The following ACER1 variants were observed in gnomAD, a reference collection of about 807,000 sequenced individuals.
ACER1 encodes alkaline ceramidase 1, also known as CTB-180A7.3.
In ACER1, 28 loss-of-function variants were observed where a neutral mutation model predicts 24.9. The observed-to-expected ratio is 1.13, with a 90% confidence interval of 0.83 to 1.54. The LOEUF is 1.54. Among genes scored for constraint, ACER1 ranks in the 40% most tolerant of loss-of-function variants. The pLI is 0.00. For missense variants in ACER1, 352 were observed against 349.3 expected (o/e 1.01, Z -0.06); for synonymous variants, 132 against 131.4 (o/e 1.00, Z -0.03).
At chr19:6,338,632 G>A in the ACER1 span, among the ~76,000 whole-genome samples, 1 of 151,990 alleles carries the variant, frequency 6.6e-6, no homozygotes, top group Non-Finnish European at 1.5e-5. Flanking sequence ...TCTGCTGCCA[G>A]GCTTGAGTGC....
intron 4 of ACER1, among the ~76,000 whole-genome samples, chr19:6,308,878 A>G (rs1388898866): frequency 6.6e-6 from 1 of 152,028 alleles, no homozygotes; most frequent in African/African-American, 2.4e-5. Context: ...CTCTGCTTGC[A>G]TGTCTGTTTC....
upstream of ACER1, among the ~76,000 whole-genome samples, chr19:6,334,106 A>G (rs1321861726): frequency 6.7e-6 from 1 of 149,882 alleles, no homozygotes; most frequent in Non-Finnish European, 1.5e-5. Flanking sequence ...GTGCAGTGGC[A>G]TGATCTCAGC....
chr19:6,309,562 C>G, intron 4 of ACER1, 135 bp downstream of exon 4: 2 of 1,142,316 alleles, frequency 1.8e-6, no homozygotes, highest in Non-Finnish European at 2.5e-6. Flanking sequence ...TGCAGTCAGT[C>G]AGGTTCAAAT....
At chr19:6,349,492 GGAAGGAAGGAAGGAAA>G in the ACER1 span, among the ~76,000 whole-genome samples, 2 of 140,774 alleles carry the variant, frequency 1.4e-5, no homozygotes, top group Admixed American at 7.0e-5. Flanking sequence ...AGGGAGGGAA[GGAAGGAAGGAAGGAAA>G]GAAGGAAGGA....
At chr19:6,310,413 A>G (rs553196223) in intron 3 of ACER1, among the ~76,000 whole-genome samples, 1 of 152,032 alleles carries the variant, frequency 6.6e-6, no homozygotes, top group Non-Finnish European at 1.5e-5. Flanking sequence ...TCTGCTAAAA[A>G]TACAAAATTT....
chr19:6,328,677 T>A (rs1399668260), intron 1 of ACER1, among the ~76,000 whole-genome samples: 3 of 151,714 alleles, frequency 2.0e-5, no homozygotes, highest in Non-Finnish European at 2.9e-5. Flanking sequence ...TACAAAACAA[T>A]GTTTTTTTAG....
rs191663574 is a variant in ACER1, at chr19:6,323,632, G to C, written c.93+9827C>G. 4.6e-4 allele frequency among the ~76,000 whole-genome samples: 70 copies of C among 152,228 alleles called. No homozygotes were observed. The East Asian group carries it at 0.011, about 24-fold the overall frequency. On this transcript the variant is annotated intron_variant, in intron 1 of 5. Coordinates refer to ENST00000301452, the MANE Select transcript of ACER1 (RefSeq NM_133492.3). ...TTTTTCTTCTTTTGCAAACTGCCCAGACATAAAGGTAAGTCTTTATTAGCA... is the reference window on the plus strand; with the variant it reads ...TTTTTCTTCTTTTGCAAACTGCCCACACATAAAGGTAAGTCTTTATTAGCA...
the ACER1 span, among the ~76,000 whole-genome samples, chr19:6,341,537 AG>A: frequency 6.6e-6 from 1 of 150,696 alleles, no homozygotes; most frequent in Non-Finnish European, 1.5e-5. Flanking sequence ...AAAAAAAAAA[AG>A]AAAAAAAAAG....
intron 1 of ACER1, among the ~76,000 whole-genome samples, chr19:6,329,289 A>C (rs1283142729): frequency 6.6e-6 from 1 of 152,044 alleles, no homozygotes; most frequent in Non-Finnish European, 1.5e-5. Context: ...GTCTTGGGGA[A>C]GCCCTTTCTC....
At chr19:6,353,730 CAGG>C in the ACER1 span, among the ~76,000 whole-genome samples, 38 of 152,034 alleles carry the variant, frequency 2.5e-4, no homozygotes, top group African/African-American at 9.2e-4. Flanking sequence ...GAGGCTGAGG[CAGG>C]AGAATTGCTT....
the ACER1 span, among the ~76,000 whole-genome samples, chr19:6,350,782 A>T: frequency 6.6e-6 from 1 of 152,118 alleles, no homozygotes; most frequent in South Asian, 2.1e-4. Flanking sequence ...CTTTTATAGG[A>T]ACAAAAACAA....
intron 1 of ACER1, among the ~76,000 whole-genome samples, chr19:6,312,801 G>A (rs139777712): frequency 1.6e-3 from 244 of 151,528 alleles, no homozygotes; most frequent in African/African-American, 5.5e-3. Flanking sequence ...TCAGACTCCC[G>A]AGTAGCTGGG....
chr19:6,357,579 C>A, the ACER1 span, among the ~76,000 whole-genome samples: 2 of 151,940 alleles, frequency 1.3e-5, no homozygotes, highest in Admixed American at 6.6e-5. Context: ...CGAGACCAGC[C>A]TGGCCAACAT....
the ACER1 span, among the ~76,000 whole-genome samples, chr19:6,338,749 A>G: frequency 7.6e-4 from 115 of 151,880 alleles, no homozygotes; most frequent in African/African-American, 2.7e-3. Flanking sequence ...AATTTTTTCT[A>G]TTTTTTGTAG....
At chr19:6,340,356 GA>G in the ACER1 span, among the ~76,000 whole-genome samples, 1 of 58,872 alleles carries the variant, frequency 1.7e-5, no homozygotes, top group African/African-American at 6.3e-5. Context: ...AGGAAGGAAG[GA>G]AGGAAGGAAG....
chr19:6,331,650 C>T (rs2091687715), intron 1 of ACER1, among the ~76,000 whole-genome samples: 1 of 151,654 alleles, frequency 6.6e-6, no homozygotes, highest in Non-Finnish European at 1.5e-5. Flanking sequence ...AAAAATTAGC[C>T]AGGCGTGGTG....
chr19:6,334,894 G>A (rs531977281), upstream of ACER1, among the ~76,000 whole-genome samples: 1 of 150,714 alleles, frequency 6.6e-6, no homozygotes, highest in South Asian at 2.1e-4. Flanking sequence ...TGGGATTACA[G>A]GGTTTTCTTA....
chr19:6,311,359 C>T (rs2091578986), intron 3 of ACER1, among the ~76,000 whole-genome samples: 1 of 151,850 alleles, frequency 6.6e-6, no homozygotes, highest in Admixed American at 6.6e-5. Context: ...GCCTGGCCAA[C>T]ATGGTGAAAC....
chr19:6,312,247 G>A lies in ACER1; in HGVS notation c.252C>T (p.Gly84=). 6.2e-7 allele frequency: 1 copy of A among 1,614,058 alleles called. No homozygotes were observed. Among genetic ancestry groups the A allele is most frequent in the Non-Finnish European group, 8.5e-7 (1 of 1,179,952 alleles). ...GGATGGCGATCTCGTCCAGCAGCTG[G>A]CCCAGGAAGCTGAGCGTCATGTGGA... is the stretch of plus-strand genomic sequence containing the variant. ...MYFHMTLSFL[G]QLLDEIAILW... Residue 84 remains glycine, a synonymous_variant, in exon 3 of 6, where the codon GGC becomes GGT. Transcript: ENST00000301452.
Sources: allele counts gnomAD v4.1 joint callset (sites outside exome capture counted in the v4.1 genomes callset), GRCh38; gene constraint gnomAD v4.1.1; transcripts MANE v1.5; gene names NCBI Gene and HGNC (gene_info 2026-07-23, HGNC 2026-07-21).